PCSK5: variants seen among roughly 807,000 people sequenced by gnomAD.
PCSK5 encodes the protein prohormone convertase 5.
Under a neutral mutation model 233.2 loss-of-function variants are expected in PCSK5, and 129 were observed. The ratio of observed to expected loss-of-function variants is 0.55; its 90% CI spans 0.48 to 0.64. The LOEUF (loss-of-function observed/expected upper bound fraction) is 0.64, where lower values mean the gene tolerates loss of function less well. Among genes scored for constraint, PCSK5 ranks in the 30% least tolerant of loss-of-function variants. The pLI is 0.00. For missense variants in PCSK5, 2,076 were observed against 2,430.1 expected, an observed-to-expected ratio of 0.85 and a Z score of 3.06; for synonymous variants, 825 against 879.2, an observed-to-expected ratio of 0.94 and a Z score of 1.09.
chr9:76,266,741 A>G (rs1201412667), intron 24 of PCSK5, among the ~76,000 whole-genome samples: 1 of 152,188 alleles, frequency 6.6e-6, no homozygotes, highest in African/African-American at 2.4e-5. Context: ...TAGAGCCTCA[A>G]GATACTGGAA....
chr9:76,330,551 C>A (rs1352070740), intron 33 of PCSK5, among the ~76,000 whole-genome samples: 2 of 151,620 alleles, frequency 1.3e-5, no homozygotes, highest in African/African-American at 4.9e-5. Context: ...GAGTTCAAGG[C>A]CAGTCTAGGC....
At chr9:76,089,026 G>A (rs562754171) in intron 7 of PCSK5, among the ~76,000 whole-genome samples, 115 of 150,804 alleles carry the variant, frequency 7.6e-4, no homozygotes, top group African/African-American at 1.2e-3. Flanking sequence ...GATTTATTTC[G>A]GAAATGCTAG....
intron 35 of PCSK5, among the ~76,000 whole-genome samples, chr9:76,343,046 G>A (rs951416877): frequency 1.3e-5 from 2 of 151,852 alleles, no homozygotes; most frequent in African/African-American, 4.8e-5. Flanking sequence ...CCTACCTTTA[G>A]CATTAGTCAC....
intron 20 of PCSK5, among the ~76,000 whole-genome samples, chr9:76,217,306 C>T (rs770009052): frequency 1.5e-4 from 23 of 152,156 alleles, no homozygotes; most frequent in South Asian, 6.2e-4. Context: ...GTGAGTTGAG[C>T]GTTGAGTGTT....
intron 1 of PCSK5, among the ~76,000 whole-genome samples, chr9:75,928,639 AATC>A (rs1823630636): frequency 7.5e-6 from 1 of 132,464 alleles, no homozygotes; most frequent in Non-Finnish European, 1.6e-5. Flanking sequence ...ATATATATAT[AATC>A]CTAGAAGGTG....
At chr9:76,311,254 G>A (rs1420389599) in intron 30 of PCSK5, among the ~76,000 whole-genome samples, 3 of 151,932 alleles carry the variant, frequency 2.0e-5, no homozygotes, top group South Asian at 4.2e-4. Context: ...CTACTTGGGA[G>A]GCTAAGGTGG....
intron 36 of PCSK5, 78 bp downstream of exon 36, chr9:76,351,006 G>T: frequency 1.3e-6 from 1 of 744,998 alleles, no homozygotes; most frequent in Non-Finnish European, 2.3e-6. Flanking sequence ...TGTCATTCTG[G>T]GCAATCAAAA....
At chr9:76,301,469 G>C (rs1223697499) in intron 27 of PCSK5, among the ~76,000 whole-genome samples, 1 of 152,050 alleles carries the variant, frequency 6.6e-6, no homozygotes, top group African/African-American at 2.4e-5. Context: ...AAAAAGAGAA[G>C]GGAACAATCT....
At chr9:76,117,392 G>C (rs748528217) in intron 9 of PCSK5, among the ~76,000 whole-genome samples, 3 of 152,066 alleles carry the variant, frequency 2.0e-5, no homozygotes, top group Non-Finnish European at 2.9e-5. Context: ...TTGATGGTAG[G>C]GTAAGAGTAG....
chr9:76,224,904 CTT>C (rs1825839630), intron 20 of PCSK5, among the ~76,000 whole-genome samples: 1 of 152,210 alleles, frequency 6.6e-6, no homozygotes, highest in South Asian at 2.1e-4. Context: ...ATGATAAAGA[CTT>C]TGAGCGCAGA....
At chr9:76,315,196 C>A (rs1828990092) in intron 30 of PCSK5, among the ~76,000 whole-genome samples, 1 of 152,124 alleles carries the variant, frequency 6.6e-6, no homozygotes, top group African/African-American at 2.4e-5. Flanking sequence ...TCAGGTGATC[C>A]ACCCACCCTG....
intron 2 of PCSK5, among the ~76,000 whole-genome samples, chr9:75,958,874 A>G (rs865894753): frequency 2.1e-4 from 32 of 152,248 alleles, no homozygotes; most frequent in African/African-American, 7.2e-4. Flanking sequence ...CATTCATTCA[A>G]TCAACACTAC....
At chr9:75,891,512 C>T (rs867917406) in intron 1 of PCSK5, 139 bp downstream of exon 1, 2 of 630,872 alleles carry the variant, frequency 3.2e-6, no homozygotes, top group Middle Eastern at 3.3e-4. Flanking sequence ...TGCTCTGTCT[C>T]CTGCGCGCGC....
chr9:76,199,895 A>C (rs1295865922), intron 20 of PCSK5, among the ~76,000 whole-genome samples: 1 of 151,980 alleles, frequency 6.6e-6, no homozygotes, highest in Non-Finnish European at 1.5e-5. Context: ...TCCAAAATAG[A>C]CTTCAGACAC....
chr9:76,082,931 G>A (rs566700994), intron 7 of PCSK5, among the ~76,000 whole-genome samples: 77 of 151,938 alleles, frequency 5.1e-4, no homozygotes, highest in African/African-American at 1.7e-3. Flanking sequence ...TTTTAAGACC[G>A]GGCACGGTGG....
At chr9:75,975,401 A>C (rs1329268320) in intron 2 of PCSK5, among the ~76,000 whole-genome samples, 1 of 152,220 alleles carries the variant, frequency 6.6e-6, no homozygotes, top group East Asian at 1.9e-4. Context: ...TATATTGAGA[A>C]GCAAGATGCT....
intron 24 of PCSK5, among the ~76,000 whole-genome samples, chr9:76,282,668 GATTT>G (rs1213349344): frequency 2.0e-5 from 3 of 152,094 alleles, no homozygotes; most frequent in African/African-American, 4.8e-5. Context: ...TACATGTGCA[GATTT>G]ATTACATGGG....
rs560157822 is a variant in PCSK5 at position 76,097,171 on chromosome 9, G to C, written c.1107+1069G>C. ...TGGTCTCAAACTCCTGAACTCAAGT[G>C]ATCTGCCTGCCTCGGCCTCCCAAAG... On this transcript the variant is annotated intron_variant, in intron 8 of 37. Coordinates refer to ENST00000674117, the MANE Select transcript of PCSK5 (RefSeq NM_001372043.1). Among the ~76,000 whole-genome samples the C allele has an allele frequency of 1.3e-3, 190 of 149,338 alleles. 1 individual carries two copies. The highest frequency in any genetic ancestry group is 4.6e-3 in the African/African-American group (186 of 40,738).
At chr9:76,227,734 C>A in intron 21 of PCSK5, 129 bp downstream of exon 21, 1 of 651,790 alleles carries the variant, frequency 1.5e-6, no homozygotes, top group Non-Finnish European at 2.7e-6. Context: ...TTTCCCACTC[C>A]ACAGATATTC....
Sources: gnomAD v4.1 joint callset for allele counts (sites outside exome capture counted in the v4.1 genomes callset) on GRCh38, gnomAD v4.1.1 for gene constraint, MANE v1.5 for transcripts, NCBI Gene and HGNC (gene_info 2026-07-23, HGNC 2026-07-21) for gene names.